The following VPS13B variants were observed in gnomAD, a reference collection of about 807,000 sequenced individuals.
VPS13B encodes the protein intermembrane lipid transfer protein VPS13B.
VPS13B carries 285 observed loss-of-function variants against 426.4 expected under a neutral mutation model. The ratio of observed to expected loss-of-function variants is 0.67; its 90% CI spans 0.61 to 0.74. VPS13B has a LOEUF of 0.74. Ranked by LOEUF, VPS13B falls within the 30% of genes least tolerant of loss-of-function variation. The probability of loss-of-function intolerance (pLI) is 0.00; values close to 1 mark genes in which losing one functional copy is unlikely to be tolerated. For synonymous variants in VPS13B, 1,676 were observed against 1,676.4 expected, an observed-to-expected ratio of 1.00 and a Z score of 0.01; for missense variants, 4,537 against 4,782.6, an observed-to-expected ratio of 0.95 and a Z score of 1.51.
intron 17 of VPS13B, among the ~76,000 whole-genome samples, chr8:99,203,359 A>G (rs533093858): frequency 1.3e-3 from 195 of 152,324 alleles, no homozygotes; most frequent in African/African-American, 4.6e-3. Context: ...GATGGAACGT[A>G]TCTCAAAATA....
intron 23 of VPS13B, among the ~76,000 whole-genome samples, chr8:99,458,634 C>G (rs1157132697): frequency 6.6e-6 from 1 of 152,158 alleles, no homozygotes; most frequent in Non-Finnish European, 1.5e-5. Flanking sequence ...GATGGTATCT[C>G]ATTGTGGTTT....
Position 99,875,499 on chromosome 8 carries a change from G to GC in VPS13B, c.11832dup (p.Ser3945GlnfsTer22), listed in dbSNP as rs180177374. 22 of 1,613,982 alleles carry GC rather than the reference G, an allele frequency of 1.4e-5. No individual in the cohort carries two copies. Among genetic ancestry groups the GC allele is most frequent in the South Asian group, 1.2e-4 (11 of 91,074 alleles). On this transcript the variant is annotated frameshift_variant, in exon 62 of 62. Coordinates refer to ENST00000357162, the MANE Select transcript of VPS13B (RefSeq NM_152564.5). LOFTEE classifies it high-confidence loss of function. ...CATCACAAAGACATCTTGTCACCTG[G>GC]CCCCCAGCTGTTCTTCCATGCAAAT...
At chr8:99,604,325 CATTATT>C (rs1827467029) in intron 33 of VPS13B, among the ~76,000 whole-genome samples, 1 of 151,938 alleles carries the variant, frequency 6.6e-6, no homozygotes, top group African/African-American at 2.4e-5. Flanking sequence ...AACAGTGATA[CATTATT>C]ATTAATTGCA....
At chr8:99,499,051 T>C (rs765922587) in intron 25 of VPS13B, among the ~76,000 whole-genome samples, 3 of 152,144 alleles carry the variant, frequency 2.0e-5, no homozygotes, top group Non-Finnish European at 4.4e-5. Flanking sequence ...TGTTTGCTCT[T>C]CCAAATAAAC....
At chr8:99,781,303 A>G (rs563778815) in intron 42 of VPS13B, among the ~76,000 whole-genome samples, 4 of 152,310 alleles carry the variant, frequency 2.6e-5, no homozygotes, top group Admixed American at 2.6e-4. Context: ...TTGGACAAAA[A>G]GTATTAAAAG....
At chr8:99,456,333 T>C (rs1008339806) in intron 23 of VPS13B, among the ~76,000 whole-genome samples, 10 of 152,066 alleles carry the variant, frequency 6.6e-5, no homozygotes, top group Admixed American at 2.0e-4. Context: ...TATGCCCAGC[T>C]AATTTTTGTA....
intron 17 of VPS13B, among the ~76,000 whole-genome samples, chr8:99,217,593 T>A (rs1815458498): frequency 6.6e-6 from 1 of 152,224 alleles, no homozygotes; most frequent in Non-Finnish European, 1.5e-5. Flanking sequence ...ATGGGTATTT[T>A]TGTGTATTTC....
chr8:99,695,698 TA>T (rs1202493759), intron 35 of VPS13B, among the ~76,000 whole-genome samples: 8,041 of 60,450 alleles, frequency 0.13, 277 homozygotes, highest in African/African-American at 0.19. Context: ...TAAAGTATAA[TA>T]AAAAAAAAAA....
intron 23 of VPS13B, among the ~76,000 whole-genome samples, chr8:99,452,545 T>C (rs1818248370): frequency 6.6e-6 from 1 of 152,056 alleles, no homozygotes; most frequent in Admixed American, 6.5e-5. Context: ...TCATGGTAAA[T>C]CGTGGTTGGT....
chr8:99,161,309 T>C (rs1281124077), intron 15 of VPS13B, among the ~76,000 whole-genome samples: 3 of 152,202 alleles, frequency 2.0e-5, no homozygotes, highest in Admixed American at 6.5e-5. Flanking sequence ...TAACCCAATA[T>C]ATGCAAATAT....
chr8:99,330,825 CT>C (rs907946419), intron 19 of VPS13B, among the ~76,000 whole-genome samples: 2 of 151,348 alleles, frequency 1.3e-5, no homozygotes, highest in Non-Finnish European at 3.0e-5. Flanking sequence ...CCCATGGTAA[CT>C]TTTTTTTCAT....
intron 2 of VPS13B, among the ~76,000 whole-genome samples, chr8:99,020,600 A>AT (rs925753375): frequency 6.6e-6 from 1 of 152,072 alleles, no homozygotes; most frequent in Non-Finnish European, 1.5e-5. Flanking sequence ...TTTTCTTCTA[A>AT]TTTTTTTGTT....
At chr8:99,356,677 T>C (rs552460978) in intron 19 of VPS13B, among the ~76,000 whole-genome samples, 1 of 151,016 alleles carries the variant, frequency 6.6e-6, no homozygotes, top group African/African-American at 2.4e-5. Context: ...ATCTTTACCA[T>C]TTTTTTTTGA....
intron 58 of VPS13B, 65 bp from the exon 59 acceptor site, chr8:99,868,224 A>T (rs1443746652): frequency 6.2e-7 from 1 of 1,604,748 alleles, no homozygotes; most frequent in East Asian, 2.2e-5. Flanking sequence ...TGTGTTCCAG[A>T]TGGAGCCTTT....
chr8:99,677,365 A>C (rs187533956), intron 35 of VPS13B, among the ~76,000 whole-genome samples: 5 of 152,160 alleles, frequency 3.3e-5, no homozygotes, highest in Non-Finnish European at 7.4e-5. Flanking sequence ...TGACTTTTAC[A>C]TTTCCTGAAT....
chr8:99,453,853 AC>A (rs1818321769), intron 23 of VPS13B, among the ~76,000 whole-genome samples: 1 of 152,196 alleles, frequency 6.6e-6, no homozygotes, highest in Admixed American at 6.5e-5. Flanking sequence ...TAACTGATGA[AC>A]CTACAGGGAT....
intron 28 of VPS13B, 73 bp downstream of exon 28, chr8:99,507,276 G>A: frequency 2.1e-6 from 3 of 1,455,460 alleles, no homozygotes; most frequent in Non-Finnish European, 2.9e-6. Context: ...TCATAAAATA[G>A]GACTAATGGT....
At chr8:99,859,985 C>T (rs1758030301) in intron 57 of VPS13B, among the ~76,000 whole-genome samples, 1 of 152,166 alleles carries the variant, frequency 6.6e-6, no homozygotes, top group African/African-American at 2.4e-5. Flanking sequence ...GGTCATCGGG[C>T]ATGGAGGCCA....
intron 34 of VPS13B, among the ~76,000 whole-genome samples, chr8:99,660,327 G>T (rs1667643): frequency 0.14 from 20,702 of 152,098 alleles, 1,948 homozygotes; most frequent in East Asian, 0.38. Context: ...ACCATATGTT[G>T]AATATAATAC....
Sources: gnomAD v4.1 joint callset for allele counts (sites outside exome capture counted in the v4.1 genomes callset) on GRCh38, gnomAD v4.1.1 for gene constraint, MANE v1.5 for transcripts, NCBI Gene and HGNC (gene_info 2026-07-23, HGNC 2026-07-21) for gene names.